The following DMBX1 variants were observed in gnomAD, a reference collection of about 807,000 sequenced individuals.
DMBX1 encodes diencephalon/mesencephalon homeobox 1, also known as diencephalon/mesencephalon homeobox protein 1.
Under a neutral mutation model 30.4 loss-of-function variants are expected in DMBX1, and 7 were observed. That is an observed-to-expected ratio of 0.23 (90% CI 0.13 to 0.43). The LOEUF (loss-of-function observed/expected upper bound fraction) is 0.43. DMBX1 is among the 20% of genes least tolerant of loss of function. The probability of loss-of-function intolerance (pLI) is 1.00; values close to 1 mark genes in which losing one functional copy is unlikely to be tolerated. For missense variants in DMBX1, 460 were observed against 508.5 expected (o/e 0.90, Z 0.92); for synonymous variants, 222 against 214.2 (o/e 1.04, Z -0.32).
At position 46,512,534 on chromosome 1, in the gene DMBX1, C is replaced by A; in HGVS notation, c.*40C>A. ...ACCCAGCCAGGGGTCTTAGGTGTCC[C>A]CTCCTAGCCCTGTGGTTATCCCTAG... is the stretch of plus-strand genomic sequence containing the variant. On this transcript the variant is annotated 3_prime_UTR_variant, in exon 6 of 6. Transcript: ENST00000360032. The surrounding 1 kb of genome is among the most constrained non-coding windows in gnomAD (Gnocchi z 4.8). The A allele has an allele frequency of 1.3e-6, 2 of 1,567,350 alleles. No individual in the cohort carries two copies. Among genetic ancestry groups the A allele is most frequent in the Non-Finnish European group, 8.7e-7 (1 of 1,154,848 alleles).
chr1:46,493,961 T>C lies in DMBX1; in HGVS notation c.-13+3178T>C, dbSNP rs1246962579. On this transcript the variant is annotated intron_variant, in intron 2 of 5. Coordinates refer to ENST00000360032, the MANE Select transcript of DMBX1 (RefSeq NM_172225.2). This position sits in a 1 kb window ranked among gnomAD's most constrained non-coding sequence, Gnocchi z 4.1. ...GGCCAAAAGTGGACCAGGTCATCCC[T>C]GACAGACTTTGGGCCAAGGCTAACT... is the stretch of plus-strand genomic sequence containing the variant. 6.6e-6 allele frequency among the ~76,000 whole-genome samples: 1 copy of C among 152,226 alleles called. No individual in the cohort carries two copies. Among genetic ancestry groups the C allele is most frequent in the Non-Finnish European group, 1.5e-5 (1 of 68,036 alleles).
rs1666470365 is a variant in DMBX1 at position 46,515,374 on chromosome 1, C to T, written c.*2880C>T. 6.6e-6 allele frequency among the ~76,000 whole-genome samples: 1 copy of T among 152,202 alleles called. No individual in the cohort carries two copies. Among genetic ancestry groups the T allele is most frequent in the South Asian group, 2.1e-4 (1 of 4,834 alleles). On this transcript the variant is annotated 3_prime_UTR_variant, in exon 6 of 6. Coordinates refer to ENST00000360032, the MANE Select transcript of DMBX1 (RefSeq NM_172225.2). ...ACTGTCACTAGGCCTTGGAATCCAA[C>T]AGCCTTAGATATCACTACCTCCTCC...
In DMBX1 at chr1:46,512,395, A is replaced by C. The variant is rs756345429; in HGVS notation, c.1035A>C (p.Ala345=). 3 of 1,613,998 alleles carry C rather than the reference A, an allele frequency of 1.9e-6. No individual in the cohort carries two copies. The South Asian group carries it at 3.3e-5, about 18-fold the overall frequency. ...LPAPPAGLAP[A]SATLNSKTTS... ...CACCCCCAGCAGGCCTGGCTCCTGC[A>C]TCAGCTACCCTGAACAGTAAAACCA... Residue 345 remains alanine (A), a synonymous_variant, in exon 6 of 6, where the codon GCA becomes GCC. Coordinates refer to ENST00000360032, the MANE Select transcript of DMBX1 (RefSeq NM_172225.2). This position sits in a 1 kb window ranked among gnomAD's most constrained non-coding sequence, Gnocchi z 4.8.
intron 5 of DMBX1, among the ~76,000 whole-genome samples, chr1:46,511,833 C>T (rs1179215113): frequency 6.6e-6 from 1 of 152,166 alleles, no homozygotes; most frequent in Non-Finnish European, 1.5e-5. Flanking sequence ...TGGCAGGGTC[C>T]CTGGAGCTTT....
At position 46,511,203 on chromosome 1, in the gene DMBX1, G is replaced by T; in HGVS notation, c.602G>T (p.Gly201Val). 6.2e-7 allele frequency: 1 copy of T among 1,613,404 alleles called. No homozygotes were observed. Among genetic ancestry groups the T allele is most frequent in the Middle Eastern group, 1.6e-4 (1 of 6,062 alleles). ...GACCGTGAGGAGGACCCCAGGGCAG[G>T]GGCTGAGGACCCCAAAGCTGAGAAG... ...QPDREEDPRA[G>V]AEDPKAEKSP... The change falls in exon 5 of 6, where the codon GGG becomes GTG. Residue 201 changes from glycine (G) to valine (V), a missense_variant. Gly to Val is a moderately radical substitution (Grantham distance 109). This residue lies in a region of DMBX1 where 334 missense variants were observed against 345.1 expected (regional missense o/e 0.97). Transcript: ENST00000360032.
intron 3 of DMBX1, among the ~76,000 whole-genome samples, chr1:46,507,455 A>G (rs1213174600): frequency 6.6e-6 from 1 of 152,214 alleles, no homozygotes; most frequent in Non-Finnish European, 1.5e-5. Flanking sequence ...AGATGAAGAA[A>G]TGAGGTAGGA....
chr1:46,497,891 C>T (rs901579258), intron 2 of DMBX1, among the ~76,000 whole-genome samples: 6 of 152,236 alleles, frequency 3.9e-5, no homozygotes, highest in South Asian at 4.1e-4. Flanking sequence ...GAAACGCGGC[C>T]GCGCCGTGAT....
At position 46,502,269 on chromosome 1, in the gene DMBX1, C is replaced by T. The variant is rs140351952; in HGVS notation, c.-12-4730C>T. Among the ~76,000 whole-genome samples the T allele has an allele frequency of 3.0e-3, 451 of 152,304 alleles. 5 individuals are homozygous for T. Among genetic ancestry groups the T allele is most frequent in the African/African-American group, 9.6e-3 (399 of 41,570 alleles). The stretch of plus-strand genomic sequence containing the variant: ...CAAAACCTTGGTTTCCATTCTCTCC[C>T]TCCTCAGATCTGCTTCTCCAACTCA... On this transcript the variant is annotated intron_variant, in intron 2 of 5. Transcript: ENST00000360032.
intron 2 of DMBX1, among the ~76,000 whole-genome samples, chr1:46,496,109 C>A (rs75934515): frequency 0.077 from 11,767 of 152,154 alleles, 1,042 homozygotes; most frequent in African/African-American, 0.22. Flanking sequence ...GCTTTCTGCA[C>A]CTTTGAGTGC....
intron 2 of DMBX1, among the ~76,000 whole-genome samples, chr1:46,503,071 C>T (rs527856138): frequency 2.3e-4 from 35 of 152,338 alleles, no homozygotes; most frequent in Admixed American, 9.8e-4. Flanking sequence ...CTAACCTTAC[C>T]TCCTTCACCT....
chr1:46,497,328 A>G (rs542288767), intron 2 of DMBX1, among the ~76,000 whole-genome samples: 1 of 152,308 alleles, frequency 6.6e-6, no homozygotes, highest in South Asian at 2.1e-4. Context: ...CACGTGGTAG[A>G]TATTCAAAGA....
Position 46,507,032 on chromosome 1 carries a change from G to A in DMBX1, c.22G>A (p.Gly8Ser), listed in dbSNP as rs150745846. MQHYGVN[G>S]YSLHAMNSLS... Reference sequence around the variant, plus strand: ...CGCCATGCAGCACTACGGGGTGAACGGCTACTCACTGCACGCCATGAACTC... The same window carrying A: ...CGCCATGCAGCACTACGGGGTGAACAGCTACTCACTGCACGCCATGAACTC... Residue 8 changes from glycine to serine, a missense_variant, in exon 3 of 6, where the codon GGC becomes AGC. By Grantham distance (56) the Gly-to-Ser change is moderately conservative (BLOSUM62 0). This residue lies in a region of DMBX1 where 124 missense variants were observed against 144.0 expected (regional missense o/e 0.86). Coordinates refer to ENST00000360032, the MANE Select transcript of DMBX1 (RefSeq NM_172225.2). 7 of 1,614,078 alleles carry A rather than the reference G, an allele frequency of 4.3e-6. No homozygotes were observed. The South Asian group carries it at 4.4e-5, about 10-fold the overall frequency.
rs924937863 is a variant in DMBX1 at position 46,493,125 on chromosome 1, C to G, written c.-13+2342C>G. On this transcript the variant is annotated intron_variant, in intron 2 of 5. Coordinates refer to ENST00000360032, the MANE Select transcript of DMBX1 (RefSeq NM_172225.2). The surrounding 1 kb of genome is among the most constrained non-coding windows in gnomAD (Gnocchi z 4.1). ...CCACCCCACCCCTTTCTCACAGTCC[C>G]GCTCGGCCGCCCCGCAGTGCCCATG... Among the ~76,000 whole-genome samples the G allele has an allele frequency of 1.3e-5, 2 of 152,140 alleles. No homozygotes were observed. The highest frequency in any genetic ancestry group is 6.5e-5 in the Admixed American group (1 of 15,268).
chr1:46,510,864 C>T lies in DMBX1; in HGVS notation c.334-71C>T. On this transcript the variant is annotated intron_variant, in intron 4 of 5. Coordinates refer to ENST00000360032, the MANE Select transcript of DMBX1 (RefSeq NM_172225.2). This position sits in a 1 kb window ranked among gnomAD's most constrained non-coding sequence, Gnocchi z 4.1. The stretch of plus-strand genomic sequence containing the variant: ...GGATGTTATCACGTACATCCTCTCC[C>T]AGAGCACCCTGCTCCACACCAACCC... 6.8e-7 allele frequency: 1 copy of T among 1,462,170 alleles called. No homozygotes were observed. Among genetic ancestry groups the T allele is most frequent in the Non-Finnish European group, 9.2e-7 (1 of 1,091,014 alleles). 90.6% of individuals were successfully genotyped at this position (1,462,170 alleles called of 1,614,324 possible). A position where few individuals can be genotyped will look rare whatever the true frequency, so the allele number is the denominator to read the frequency against.
At chr1:46,495,086 G>A (rs900792345) in intron 2 of DMBX1, among the ~76,000 whole-genome samples, 4 of 152,238 alleles carry the variant, frequency 2.6e-5, no homozygotes, top group African/African-American at 9.7e-5. Flanking sequence ...GCAGGGCAGA[G>A]CAGGCAGGGT....
intron 3 of DMBX1, among the ~76,000 whole-genome samples, chr1:46,508,864 G>A (rs1012086885): frequency 7.1e-6 from 1 of 140,876 alleles, no homozygotes; most frequent in African/African-American, 2.6e-5. Flanking sequence ...GCAGTAGGAT[G>A]CTGAGCTGTT....
At chr1:46,511,953 T>C in intron 5 of DMBX1, 90 bp from the exon 6 acceptor site, 1 of 1,298,940 alleles carries the variant, frequency 7.7e-7, no homozygotes, top group South Asian at 1.3e-5. Context: ...TTGTCTATAG[T>C]GCCAAGGAGG....
intron 2 of DMBX1, among the ~76,000 whole-genome samples, chr1:46,505,214 T>C: frequency 7.1e-6 from 1 of 141,422 alleles, no homozygotes; most frequent in Non-Finnish European, 1.5e-5. Context: ...GATCTAGAAC[T>C]AGAAATACCA....
rs911290646 is a variant in DMBX1, at chr1:46,512,697, A to G, written c.*203A>G. ...CTCTGCATGGCCCTGCCTGGACCCCATGGAGGCCGAATAGGGAGGAGGTGA... is the reference window on the plus strand; with the variant it reads ...CTCTGCATGGCCCTGCCTGGACCCCGTGGAGGCCGAATAGGGAGGAGGTGA... On this transcript the variant is annotated 3_prime_UTR_variant, in exon 6 of 6. Coordinates refer to ENST00000360032, the MANE Select transcript of DMBX1 (RefSeq NM_172225.2). The surrounding 1 kb of genome is among the most constrained non-coding windows in gnomAD (Gnocchi z 4.8). 1.5e-5 allele frequency: 9 copies of G among 601,204 alleles called. No homozygotes were observed. The highest frequency in any genetic ancestry group is 4.5e-4 in the Middle Eastern group (1 of 2,234). 37.2% of individuals were successfully genotyped at this position (601,204 alleles called of 1,614,324 possible).
Sources: allele counts gnomAD v4.1 joint callset (sites outside exome capture counted in the v4.1 genomes callset), GRCh38; gene constraint gnomAD v4.1.1; regional missense constraint gnomAD v4.1.1; non-coding constraint Gnocchi (gnomAD v3.1); transcripts MANE v1.5; gene names NCBI Gene and HGNC (gene_info 2026-07-23, HGNC 2026-07-21).